The following GLB1L2 variants were observed in gnomAD, a reference collection of about 807,000 sequenced individuals.
GLB1L2 encodes beta-galactosidase-1-like protein 2.
Under a neutral mutation model 84.1 loss-of-function variants are expected in GLB1L2, and 68 were observed. The ratio of observed to expected loss-of-function variants is 0.81; its 90% CI spans 0.67 to 0.99. The LOEUF (loss-of-function observed/expected upper bound fraction) is 0.99. Among genes scored for constraint, GLB1L2 ranks in the 50% least tolerant of loss-of-function variants. GLB1L2 has a pLI of 0.00. For synonymous variants in GLB1L2, 290 were observed against 318.0 expected, an observed-to-expected ratio of 0.91 and a Z score of 0.94; for missense variants, 762 against 805.6, an observed-to-expected ratio of 0.95 and a Z score of 0.66.
chr11:134,368,916 G>A (rs919278293), intron 10 of GLB1L2, 135 bp downstream of exon 10: 3 of 887,860 alleles, frequency 3.4e-6, no homozygotes, highest in East Asian at 5.3e-5. Flanking sequence ...GAAGGTACTT[G>A]CCTGGACAGT....
Position 134,375,139 on chromosome 11 carries a change from C to A in GLB1L2, c.*81C>A. The A allele has an allele frequency of 9.3e-7, 1 of 1,072,388 alleles. No homozygotes were observed. The highest frequency in any genetic ancestry group is 1.4e-6 in the Non-Finnish European group (1 of 718,538). The allele number at this position is 1,072,388 out of a possible 1,614,324, so 66.4% of individuals were successfully genotyped here. On this transcript the variant is annotated 3_prime_UTR_variant, in exon 19 of 19. Coordinates refer to ENST00000535456, the MANE Select transcript of GLB1L2 (RefSeq NM_001370461.1). ...TGAAGCCTGGTGGCTGCTGCCCCAC[C>A]CCTCACTGCAAAAGCATCTCCTTAA...
intron 1 of GLB1L2, among the ~76,000 whole-genome samples, chr11:134,333,865 T>G (rs562498685): frequency 1.3e-5 from 2 of 152,320 alleles, no homozygotes; most frequent in African/African-American, 4.8e-5. Context: ...GATGTTTTTC[T>G]TGCCTCTCCA....
chr11:134,337,936 A>G (rs1435584841), intron 1 of GLB1L2, among the ~76,000 whole-genome samples: 4 of 152,212 alleles, frequency 2.6e-5, no homozygotes, highest in Non-Finnish European at 5.9e-5. Flanking sequence ...ATGAACAAGT[A>G]TGTGAACACG....
Position 134,363,721 on chromosome 11 carries a change from G to A in GLB1L2, c.734-607G>A, listed in dbSNP as rs542290000. Among the ~76,000 whole-genome samples, 97 of 152,262 alleles carry A rather than the reference G, an allele frequency of 6.4e-4. 1 individual carries two copies. Among genetic ancestry groups the A allele is most frequent in the South Asian group, 3.7e-3 (18 of 4,818 alleles). Reference sequence around the variant, plus strand: ...CCAAGGAAGGATCAGGCTCTGGTTCGTACAAAAGAACAAGGAACAGAGTGC... The same window carrying A: ...CCAAGGAAGGATCAGGCTCTGGTTCATACAAAAGAACAAGGAACAGAGTGC... On this transcript the variant is annotated intron_variant, in intron 7 of 18. Coordinates refer to ENST00000535456, the MANE Select transcript of GLB1L2 (RefSeq NM_001370461.1).
intron 7 of GLB1L2, among the ~76,000 whole-genome samples, chr11:134,363,862 G>A (rs967996593): frequency 5.9e-5 from 9 of 152,128 alleles, no homozygotes; most frequent in East Asian, 1.9e-4. Flanking sequence ...GTCTCCTGGC[G>A]TCCTGGCTGA....
chr11:134,367,283 G>GT lies in GLB1L2; in HGVS notation c.832dup (p.Tyr278LeufsTer7), dbSNP rs1943878435. ...GGACTCAGCCCAAGATGGTGATGGA[G>GT]TACTGGACGGGGTGGTTTGACTCGT... On this transcript the variant is annotated frameshift_variant, in exon 9 of 19. Transcript: ENST00000535456. LOFTEE classifies it high-confidence loss of function. 10 of 1,614,046 alleles carry GT rather than the reference G, an allele frequency of 6.2e-6. No homozygotes were observed. Among genetic ancestry groups the GT allele is most frequent in the Non-Finnish European group, 7.6e-6 (9 of 1,180,016 alleles).
chr11:134,370,663 C>T lies in GLB1L2; in HGVS notation c.1215+264C>T, dbSNP rs1474346469. Among the ~76,000 whole-genome samples, 2 of 152,204 alleles carry T rather than the reference C, an allele frequency of 1.3e-5. No individual in the cohort carries two copies. Among genetic ancestry groups the T allele is most frequent in the East Asian group, 3.9e-4 (2 of 5,150 alleles). ...GGGAGAAACAGAGGTCCCTGAGGAA[C>T]AGCGGCTGGCCCCGTGGGCCTTTCC... On this transcript the variant is annotated intron_variant, in intron 12 of 18. Coordinates refer to ENST00000535456, the MANE Select transcript of GLB1L2 (RefSeq NM_001370461.1). The surrounding 1 kb of genome is among the most constrained non-coding windows in gnomAD (Gnocchi z 4.7).
At position 134,338,259 on chromosome 11, in the gene GLB1L2, G is replaced by A. The variant is rs1232817993; in HGVS notation, c.87-4495G>A. Among the ~76,000 whole-genome samples, 2 of 152,256 alleles carry A rather than the reference G, an allele frequency of 1.3e-5. No individual in the cohort carries two copies. Among genetic ancestry groups the A allele is most frequent in the South Asian group, 4.1e-4 (2 of 4,820 alleles). On this transcript the variant is annotated intron_variant, in intron 1 of 18. Coordinates refer to ENST00000535456, the MANE Select transcript of GLB1L2 (RefSeq NM_001370461.1). The surrounding 1 kb of genome is among the most constrained non-coding windows in gnomAD (Gnocchi z 6.2). ...GGCCTCCCAGCCGTACCATGACCCCGGTTCCTGATGAGTGTTTGCAGGATT... is the reference window on the plus strand; with the variant it reads ...GGCCTCCCAGCCGTACCATGACCCCAGTTCCTGATGAGTGTTTGCAGGATT...
chr11:134,360,314 G>A (rs1421577992), intron 7 of GLB1L2: 2 of 152,400 alleles, frequency 1.3e-5, no homozygotes, highest in African/African-American at 2.4e-5. Flanking sequence ...CACCCAGGGA[G>A]TGAAGGTCCA....
intron 1 of GLB1L2, among the ~76,000 whole-genome samples, chr11:134,332,899 C>T (rs1943324727): frequency 1.3e-5 from 2 of 152,324 alleles, no homozygotes; most frequent in Non-Finnish European, 2.9e-5. Context: ...GATTCTACAG[C>T]CCTGACCCTA....
intron 5 of GLB1L2, among the ~76,000 whole-genome samples, chr11:134,349,312 A>G (rs1309628825): frequency 2.0e-5 from 3 of 152,236 alleles, no homozygotes; most frequent in African/African-American, 7.2e-5. Flanking sequence ...CATTGCATGT[A>G]TATAACACGT....
chr11:134,337,113 G>T (rs771946517), intron 1 of GLB1L2, among the ~76,000 whole-genome samples: 4 of 152,166 alleles, frequency 2.6e-5, no homozygotes, highest in Admixed American at 6.5e-5. Context: ...GGAAATAACT[G>T]CTCTCTGAAC....
Position 134,342,780 on chromosome 11 carries a change from TGCGGCTCC to T in GLB1L2, c.116_123del (p.Arg39ProfsTer62). The stretch of plus-strand genomic sequence containing the variant: ...CTGGACTGGAGCACCCTGGTCCCTC[TGCGGCTCC>T]GCCATCGACAGCTGGGGCTGCAGGC... On this transcript the variant is annotated frameshift_variant, in exon 2 of 19. Transcript: ENST00000535456. LOFTEE classifies it high-confidence loss of function. 1 of 1,613,938 alleles carries T rather than the reference TGCGGCTCC, an allele frequency of 6.2e-7. No homozygotes were observed. The highest frequency in any genetic ancestry group is 8.5e-7 in the Non-Finnish European group (1 of 1,180,002).
chr11:134,336,000 A>G (rs527811683), intron 1 of GLB1L2, among the ~76,000 whole-genome samples: 21 of 152,260 alleles, frequency 1.4e-4, no homozygotes, highest in Admixed American at 2.6e-4. Flanking sequence ...GCTTAAATCT[A>G]TTGCTCTGGA....
At chr11:134,365,702 C>A (rs946316292) in intron 8 of GLB1L2, among the ~76,000 whole-genome samples, 2 of 152,214 alleles carry the variant, frequency 1.3e-5, no homozygotes, top group Admixed American at 1.3e-4. Context: ...GTCCTGCTAA[C>A]AGAATGGCCC....
intron 1 of GLB1L2, among the ~76,000 whole-genome samples, chr11:134,341,684 A>C (rs1200673115): frequency 6.6e-6 from 1 of 152,190 alleles, no homozygotes; most frequent in African/African-American, 2.4e-5. Context: ...GGAGTAGGTA[A>C]AAAAGCAAAT....
chr11:134,371,940 TG>T, intron 15 of GLB1L2, 110 bp downstream of exon 15: 2 of 1,065,806 alleles, frequency 1.9e-6, no homozygotes, highest in South Asian at 2.8e-5. Context: ...TGCAGGGAGG[TG>T]GAGGCTGGGT....
chr11:134,354,837 C>T (rs1943680745), intron 5 of GLB1L2, among the ~76,000 whole-genome samples: 1 of 152,144 alleles, frequency 6.6e-6, no homozygotes, highest in Non-Finnish European at 1.5e-5. Flanking sequence ...CTGAGTGGTT[C>T]TCTGGAATTT....
chr11:134,365,957 A>C (rs1206033087), intron 8 of GLB1L2, among the ~76,000 whole-genome samples: 1 of 152,192 alleles, frequency 6.6e-6, no homozygotes, highest in Non-Finnish European at 1.5e-5. Context: ...TAAGGGTGTT[A>C]TGTGCACTCT....
Sources: allele counts gnomAD v4.1 joint callset (sites outside exome capture counted in the v4.1 genomes callset), GRCh38; gene constraint gnomAD v4.1.1; non-coding constraint Gnocchi (gnomAD v3.1); transcripts MANE v1.5; gene names NCBI Gene and HGNC (gene_info 2026-07-23, HGNC 2026-07-21).